Variants in DNAJC3 observed in about 807,000 individuals in gnomAD.
The protein encoded by DNAJC3 is DnaJ heat shock protein family (Hsp40) member C3, also known as dnaJ homolog subfamily C member 3.
Under a neutral mutation model 68.6 loss-of-function variants are expected in DNAJC3, and 38 were observed. The ratio of observed to expected loss-of-function variants is 0.55; its 90% CI spans 0.43 to 0.73. The LOEUF is 0.73. DNAJC3 is among the 30% of genes least tolerant of loss of function. DNAJC3 has a pLI of 0.00. For missense variants in DNAJC3, 526 were observed against 591.9 expected (o/e 0.89, Z 1.16); for synonymous variants, 203 against 204.0 (o/e 1.00, Z 0.04).
intron 11 of DNAJC3, among the ~76,000 whole-genome samples, chr13:95,788,593 C>A (rs557017655): frequency 6.6e-6 from 1 of 152,186 alleles, no homozygotes; most frequent in African/African-American, 2.4e-5. Context: ...TTAATTTTCA[C>A]TTGAAATAAA....
At chr13:95,729,205 C>A (rs969616831) in intron 4 of DNAJC3, among the ~76,000 whole-genome samples, 1 of 143,526 alleles carries the variant, frequency 7.0e-6, no homozygotes, top group Admixed American at 7.2e-5. Context: ...CTCTCTCTTT[C>A]TCTCTCTCTT....
Position 95,760,784 on chromosome 13 carries a change from C to A in DNAJC3, c.834C>A (p.Leu278=). 2 of 1,611,678 alleles carry A rather than the reference C, an allele frequency of 1.2e-6. No homozygotes were observed. Among genetic ancestry groups the A allele is most frequent in the South Asian group, 2.2e-5 (2 of 90,680 alleles). The change falls in exon 7 of 12, where the codon CTC becomes CTA. Residue 278 remains leucine (L), a synonymous_variant. Transcript: ENST00000602402. The part of the protein sequence containing the change: ...LNKLIESAEE[L]IRDGRYTDAT... ...AGCTGATTGAGTCAGCTGAAGAGCT[C>A]ATCAGAGATGGCAGGTGAGAATATG... is the stretch of plus-strand genomic sequence containing the variant.
intron 4 of DNAJC3, among the ~76,000 whole-genome samples, chr13:95,734,934 G>A (rs1383008566): frequency 1.4e-5 from 2 of 145,022 alleles, no homozygotes; most frequent in Non-Finnish European, 3.0e-5. Context: ...TCGTCATCTA[G>A]CATTAGGTAT....
At chr13:95,765,566 T>C (rs1013785656) in intron 9 of DNAJC3, among the ~76,000 whole-genome samples, 2 of 147,334 alleles carry the variant, frequency 1.4e-5, no homozygotes, top group African/African-American at 5.1e-5. Context: ...ATAATTGATC[T>C]GTTTTTTTTT....
intron 9 of DNAJC3, among the ~76,000 whole-genome samples, chr13:95,774,309 A>G (rs1278064758): frequency 2.0e-5 from 3 of 152,138 alleles, no homozygotes; most frequent in Non-Finnish European, 4.4e-5. Flanking sequence ...TGGATTATGT[A>G]TAGGTGTTCT....
chr13:95,699,939 T>C (rs1341544413), intron 1 of DNAJC3, among the ~76,000 whole-genome samples: 1 of 152,162 alleles, frequency 6.6e-6, no homozygotes, highest in African/African-American at 2.4e-5. Flanking sequence ...TGCTTCAGCC[T>C]CCTGAGTAGT....
chr13:95,740,311 G>A (rs945967948), intron 4 of DNAJC3, among the ~76,000 whole-genome samples: 1 of 152,264 alleles, frequency 6.6e-6, no homozygotes, highest in Admixed American at 6.5e-5. Flanking sequence ...GAGGCAGGCA[G>A]GCCTCCTTGA....
chr13:95,740,769 C>T (rs1205382628), intron 4 of DNAJC3, among the ~76,000 whole-genome samples: 1 of 152,232 alleles, frequency 6.6e-6, no homozygotes, highest in Non-Finnish European at 1.5e-5. Context: ...AATCACCCGT[C>T]TTCTGCGTCG....
intron 4 of DNAJC3, among the ~76,000 whole-genome samples, chr13:95,753,113 A>T (rs1356598630): frequency 6.6e-6 from 1 of 151,370 alleles, no homozygotes; most frequent in Non-Finnish European, 1.5e-5. Context: ...CTCTCTCCCC[A>T]CCCCTAATGG....
At chr13:95,772,537 T>C (rs545524971) in intron 9 of DNAJC3, among the ~76,000 whole-genome samples, 1 of 152,346 alleles carries the variant, frequency 6.6e-6, no homozygotes, top group East Asian at 1.9e-4. Context: ...ACATTTTGTG[T>C]TCTCATTCTT....
chr13:95,783,434 C>T (rs528243206), intron 9 of DNAJC3, among the ~76,000 whole-genome samples: 1 of 152,274 alleles, frequency 6.6e-6, no homozygotes, highest in South Asian at 2.1e-4. Flanking sequence ...TATATTGAAA[C>T]ATCTTCCTAT....
At chr13:95,725,426 A>G (rs773073238) in intron 4 of DNAJC3, among the ~76,000 whole-genome samples, 174 bp downstream of exon 4, 1 of 152,190 alleles carries the variant, frequency 6.6e-6, no homozygotes, top group Non-Finnish European at 1.5e-5. Context: ...CTGAATTACT[A>G]TTTGATGGCA....
At chr13:95,776,951 T>A (rs577998989) in intron 9 of DNAJC3, among the ~76,000 whole-genome samples, 1 of 152,342 alleles carries the variant, frequency 6.6e-6, no homozygotes, top group East Asian at 1.9e-4. Context: ...CACGCTCTGC[T>A]CTGTCGCTGT....
At chr13:95,677,492 G>C (rs1226967362) in intron 1 of DNAJC3, among the ~76,000 whole-genome samples, 155 bp downstream of exon 1, 2 of 152,224 alleles carry the variant, frequency 1.3e-5, no homozygotes, top group African/African-American at 4.8e-5. Flanking sequence ...GCCCGCGCCC[G>C]GTTCCGGGTT....
At chr13:95,736,310 T>G (rs1435103444) in intron 4 of DNAJC3, among the ~76,000 whole-genome samples, 2 of 152,070 alleles carry the variant, frequency 1.3e-5, no homozygotes, top group African/African-American at 4.8e-5. Context: ...TGCGGGCTCT[T>G]TTTTGGTTCC....
At chr13:95,749,575 G>C (rs565929139) in intron 4 of DNAJC3, among the ~76,000 whole-genome samples, 1 of 152,270 alleles carries the variant, frequency 6.6e-6, no homozygotes, top group South Asian at 2.1e-4. Context: ...GGGAGGGATA[G>C]CAATGGGTTG....
chr13:95,776,398 A>G (rs1470755432), intron 9 of DNAJC3, among the ~76,000 whole-genome samples: 1 of 152,230 alleles, frequency 6.6e-6, no homozygotes, highest in Non-Finnish European at 1.5e-5. Context: ...AGTTTGGAAC[A>G]ATCTCTGGAA....
At chr13:95,783,199 A>C (rs779372186) in intron 9 of DNAJC3, among the ~76,000 whole-genome samples, 4 of 152,154 alleles carry the variant, frequency 2.6e-5, no homozygotes, top group African/African-American at 4.8e-5. Flanking sequence ...TATCTGTGGG[A>C]AGTCTTACAT....
In DNAJC3 at chr13:95,790,888, T is replaced by C. The variant is rs746619022; in HGVS notation, c.1373T>C (p.Phe458Ser). 4 of 1,608,508 alleles carry C rather than the reference T, an allele frequency of 2.5e-6. No homozygotes were observed. The highest frequency in any genetic ancestry group is 2.5e-6 in the Non-Finnish European group (3 of 1,178,850). ...TTCTTTCTAGAAATGAGAAAGAAGT[T>C]TGACGACGGAGAAGATCCTTTGGAT... is the stretch of plus-strand genomic sequence containing the variant. ...VLSDPEMRKK[F>S]DDGEDPLDAE... The change falls in exon 12 of 12, where the codon TTT (phenylalanine) becomes TCT (serine). Residue 458 changes from phenylalanine to serine, a missense_variant. Phe to Ser is a radical substitution (Grantham distance 155). Coordinates refer to ENST00000602402, the MANE Select transcript of DNAJC3 (RefSeq NM_006260.5).
Sources: allele counts gnomAD v4.1 joint callset (sites outside exome capture counted in the v4.1 genomes callset), GRCh38; gene constraint gnomAD v4.1.1; transcripts MANE v1.5; gene names NCBI Gene and HGNC (gene_info 2026-07-23, HGNC 2026-07-21).